Variants in LRRTM4 observed in about 807,000 individuals in gnomAD.
The protein encoded by LRRTM4 is leucine-rich repeat transmembrane neuronal protein 4.
LRRTM4 carries 25 observed loss-of-function variants against 47.6 expected under a neutral mutation model. The observed-to-expected ratio is 0.53, with a 90% CI of 0.38 to 0.73. The LOEUF (loss-of-function observed/expected upper bound fraction) is 0.73. Among genes scored for constraint, LRRTM4 ranks in the 30% least tolerant of loss-of-function variants. LRRTM4 has a pLI of 0.00. For synonymous variants in LRRTM4, 311 were observed against 269.5 expected, an observed-to-expected ratio of 1.15 and a Z score of -1.51; for missense variants, 638 against 713.4, an observed-to-expected ratio of 0.89 and a Z score of 1.20.
Position 76,862,624 on chromosome 2 carries a change from C to T in LRRTM4, c.1552-113708G>A, listed in dbSNP as rs191601581. Among the ~76,000 whole-genome samples, 86 of 152,282 alleles carry T rather than the reference C, an allele frequency of 5.6e-4. 1 individual carries two copies. The Middle Eastern group carries it at 0.01, about 18-fold the overall frequency. ...GCTTTGAGGAGGAGGGAAAATATCT[C>T]ACACACGCGTGCGCGCGCACACACA... On this transcript the variant is annotated intron_variant, in intron 3 of 3. Transcript: ENST00000409884.
chr2:77,173,563 C>T (rs1044270248), intron 3 of LRRTM4, among the ~76,000 whole-genome samples: 18 of 152,218 alleles, frequency 1.2e-4, no homozygotes, highest in African/African-American at 3.1e-4. Context: ...TTAAATTAAA[C>T]CAAAAATCTA....
intron 3 of LRRTM4, among the ~76,000 whole-genome samples, chr2:77,072,690 T>C (rs1419689345): frequency 6.7e-6 from 1 of 148,754 alleles, no homozygotes; most frequent in East Asian, 2.0e-4. Context: ...TTCCAGCTAC[T>C]CGGGAGGCTG....
At chr2:76,998,838 C>A (rs1677304984) in intron 3 of LRRTM4, among the ~76,000 whole-genome samples, 1 of 151,528 alleles carries the variant, frequency 6.6e-6, no homozygotes, top group East Asian at 1.9e-4. Context: ...ACTTATAGCC[C>A]CTTTGTGGTT....
intron 3 of LRRTM4, among the ~76,000 whole-genome samples, chr2:76,882,517 C>T (rs991222954): frequency 2.0e-5 from 3 of 150,986 alleles, no homozygotes; most frequent in Admixed American, 1.3e-4. Flanking sequence ...CAAAGTGAGG[C>T]CCCATCTCTA....
intron 3 of LRRTM4, among the ~76,000 whole-genome samples, chr2:76,811,876 A>T (rs1323166208): frequency 2.6e-5 from 4 of 151,576 alleles, no homozygotes; most frequent in South Asian, 2.1e-4. Context: ...GAAGGATAGG[A>T]AAACATGTAA....
intron 3 of LRRTM4, among the ~76,000 whole-genome samples, chr2:76,906,443 G>C (rs1383006200): frequency 1.3e-5 from 2 of 151,500 alleles, no homozygotes; most frequent in South Asian, 2.1e-4. Context: ...ATCAACTAAC[G>C]AGCAAAATAA....
At chr2:77,142,169 G>A (rs1005661155) in intron 3 of LRRTM4, among the ~76,000 whole-genome samples, 1 of 151,998 alleles carries the variant, frequency 6.6e-6, no homozygotes, top group Non-Finnish European at 1.5e-5. Flanking sequence ...AGTCTTCCTC[G>A]GTGATCAGAA....
At chr2:76,818,174 G>T (rs1558674745) in intron 3 of LRRTM4, among the ~76,000 whole-genome samples, 2 of 151,822 alleles carry the variant, frequency 1.3e-5, no homozygotes, top group Admixed American at 1.3e-4. Flanking sequence ...CTAAAGATAA[G>T]TATTATCTCA....
intron 3 of LRRTM4, among the ~76,000 whole-genome samples, chr2:77,325,605 T>A (rs2104237773): frequency 6.6e-6 from 1 of 152,252 alleles, no homozygotes; most frequent in South Asian, 2.1e-4. Flanking sequence ...CTAACACAAT[T>A]CTCTCTAATT....
intron 3 of LRRTM4, among the ~76,000 whole-genome samples, chr2:77,103,018 G>C (rs1057083016): frequency 6.6e-6 from 1 of 152,110 alleles, no homozygotes; most frequent in African/African-American, 2.4e-5. Context: ...TGGTAGACAC[G>C]AGATTGAAGG....
At chr2:76,950,565 A>G (rs1015922371) in intron 3 of LRRTM4, among the ~76,000 whole-genome samples, 12 of 152,016 alleles carry the variant, frequency 7.9e-5, no homozygotes, top group Non-Finnish European at 1.8e-4. Flanking sequence ...ATCAAAATGA[A>G]TACTCACTCA....
chr2:76,891,391 A>G (rs527731552), intron 3 of LRRTM4, among the ~76,000 whole-genome samples: 1 of 151,934 alleles, frequency 6.6e-6, no homozygotes, highest in South Asian at 2.1e-4. Context: ...TTAAAAGCAT[A>G]TTGGAAGGAA....
chr2:76,973,771 A>T (rs1372507918), intron 3 of LRRTM4, among the ~76,000 whole-genome samples: 1 of 151,964 alleles, frequency 6.6e-6, no homozygotes, highest in African/African-American at 2.4e-5. Context: ...GTCTGGATAG[A>T]ATAGAATAAC....
At chr2:76,929,446 A>G (rs776994220) in intron 3 of LRRTM4, among the ~76,000 whole-genome samples, 1 of 152,150 alleles carries the variant, frequency 6.6e-6, no homozygotes, top group Non-Finnish European at 1.5e-5. Flanking sequence ...ATTTGCAGAG[A>G]ATATTTGTCC....
At chr2:77,362,825 A>G (rs2104320212) in intron 3 of LRRTM4, among the ~76,000 whole-genome samples, 1 of 152,298 alleles carries the variant, frequency 6.6e-6, no homozygotes, top group East Asian at 1.9e-4. Flanking sequence ...GCAAGAAAAA[A>G]CATGCCTGTA....
chr2:77,351,614 T>TTTTA (rs1553432768), intron 3 of LRRTM4, among the ~76,000 whole-genome samples: 1 of 135,400 alleles, frequency 7.4e-6, no homozygotes, highest in African/African-American at 2.8e-5. Context: ...CATGACAAAT[T>TTTTA]TATATATATA....
intron 3 of LRRTM4, among the ~76,000 whole-genome samples, chr2:77,249,714 G>C (rs986357840): frequency 1.3e-5 from 2 of 152,160 alleles, no homozygotes; most frequent in Non-Finnish European, 1.5e-5. Flanking sequence ...AATTATTGCT[G>C]GTGGGAATGA....
chr2:77,160,353 T>C (rs529470321), intron 3 of LRRTM4, among the ~76,000 whole-genome samples: 21 of 152,278 alleles, frequency 1.4e-4, no homozygotes, highest in African/African-American at 5.1e-4. Context: ...TTCCATACAA[T>C]TTTGTGAGTA....
chr2:76,893,241 G>T (rs1372104887), intron 3 of LRRTM4, among the ~76,000 whole-genome samples: 1 of 151,508 alleles, frequency 6.6e-6, no homozygotes, highest in Non-Finnish European at 1.5e-5. Context: ...AAAAGAGATT[G>T]AATATGTGTT....
Sources: allele counts gnomAD v4.1 joint callset (sites outside exome capture counted in the v4.1 genomes callset), GRCh38; gene constraint gnomAD v4.1.1; transcripts MANE v1.5; gene names NCBI Gene and HGNC (gene_info 2026-07-23, HGNC 2026-07-21).